The following PHKB variants were observed in gnomAD, a reference collection of about 807,000 sequenced individuals.
PHKB encodes the protein phosphorylase b kinase regulatory subunit beta.
Under a neutral mutation model 152.1 loss-of-function variants are expected in PHKB, and 122 were observed. That is an observed-to-expected ratio of 0.80 (90% CI 0.69 to 0.93). PHKB has a LOEUF of 0.93. PHKB is among the 40% of genes least tolerant of loss of function. PHKB has a pLI of 0.00. For missense variants in PHKB, 1,304 were observed against 1,328.4 expected, an observed-to-expected ratio of 0.98 and a Z score of 0.29; for synonymous variants, 436 against 464.9, an observed-to-expected ratio of 0.94 and a Z score of 0.80.
intron 6 of PHKB, 133 bp from the exon 7 acceptor site, chr16:47,547,300 T>G (rs1277825501): frequency 1.5e-6 from 1 of 666,290 alleles, no homozygotes; most frequent in Non-Finnish European, 2.7e-6. Flanking sequence ...GTCATGCTGG[T>G]CTCAAACTCC....
chr16:47,595,798 T>G (rs1972107851), intron 12 of PHKB, among the ~76,000 whole-genome samples: 1 of 152,160 alleles, frequency 6.6e-6, no homozygotes, highest in Non-Finnish European at 1.5e-5. Flanking sequence ...AGCATAACAA[T>G]CTGCTGTTGA....
chr16:47,492,826 C>T (rs1970172579), intron 1 of PHKB, among the ~76,000 whole-genome samples: 1 of 152,218 alleles, frequency 6.6e-6, no homozygotes, highest in African/African-American at 2.4e-5. Flanking sequence ...GCATCTCACT[C>T]ACCCTTTCTT....
At chr16:47,533,517 T>G (rs1190536921) in intron 6 of PHKB, among the ~76,000 whole-genome samples, 1 of 152,150 alleles carries the variant, frequency 6.6e-6, no homozygotes, top group African/African-American at 2.4e-5. Flanking sequence ...TTGGCTTCCC[T>G]TAGGTGTTCA....
At chr16:47,461,899 C>G (rs1969568608) in intron 1 of PHKB, among the ~76,000 whole-genome samples, 1 of 152,188 alleles carries the variant, frequency 6.6e-6, no homozygotes, top group South Asian at 2.1e-4. Flanking sequence ...CTTTTACATT[C>G]CCCACAGGTT....
At chr16:47,541,701 A>G (rs1971062211) in intron 6 of PHKB, among the ~76,000 whole-genome samples, 1 of 152,190 alleles carries the variant, frequency 6.6e-6, no homozygotes, top group Non-Finnish European at 1.5e-5. Flanking sequence ...AACTGGTGTG[A>G]GGTGATATCT....
In PHKB at chr16:47,646,870, A is replaced by G. The variant is rs1567340057; in HGVS notation, c.1609-1663A>G. On this transcript the variant is annotated intron_variant, in intron 16 of 30. Coordinates refer to ENST00000323584, the MANE Select transcript of PHKB (RefSeq NM_000293.3). ...ACTGTCCAAAGATGTTTATTGAATT[A>G]TTTTTAAAATAACAAAAAATTGGGA... Among the ~76,000 whole-genome samples the G allele has an allele frequency of 3.3e-5, 5 of 152,056 alleles. No individual in the cohort carries two copies. In the South Asian group the frequency reaches 1.0e-3, roughly 32 times the overall value.
chr16:47,674,858 C>T (rs1333005540), intron 26 of PHKB, among the ~76,000 whole-genome samples: 3 of 152,174 alleles, frequency 2.0e-5, no homozygotes, highest in Non-Finnish European at 4.4e-5. Flanking sequence ...AACTCCTCTA[C>T]GGAAAATCTT....
chr16:47,689,147 G>C lies in PHKB; in HGVS notation c.2737G>C (p.Asp913His). Residue 913 changes from aspartate (D) to histidine (H), a missense_variant, in exon 27 of 31, where the codon GAT (aspartate) becomes CAT (histidine). By Grantham distance (81) the Asp-to-His change is moderately conservative (BLOSUM62 -1). Coordinates refer to ENST00000323584, the MANE Select transcript of PHKB (RefSeq NM_000293.3). ...TAGTGAAGTTAAACAGCTTCTGCTG[G>C]ATATTCTGCAGCCTCAACAGAATGG... ...SPSEVKQLLLDILQPQQNGRC... is the reference protein window; with the variant it reads ...SPSEVKQLLLHILQPQQNGRC... 6.2e-7 allele frequency: 1 copy of C among 1,613,922 alleles called. No homozygotes were observed. The highest frequency in any genetic ancestry group is 8.5e-7 in the Non-Finnish European group (1 of 1,179,914).
intron 1 of PHKB, among the ~76,000 whole-genome samples, chr16:47,496,546 A>T (rs902887038): frequency 6.6e-6 from 1 of 152,176 alleles, no homozygotes; most frequent in East Asian, 1.9e-4. Flanking sequence ...GCTATATGGT[A>T]TACATTACCT....
At position 47,669,411 on chromosome 16, in the gene PHKB, G is replaced by C; in HGVS notation, c.2624G>C (p.Arg875Pro). 3 of 1,613,856 alleles carry C rather than the reference G, an allele frequency of 1.9e-6. No individual in the cohort carries two copies. Among genetic ancestry groups the C allele is most frequent in the Non-Finnish European group, 2.5e-6 (3 of 1,179,782 alleles). The change falls in exon 26 of 31, where the codon CGA becomes CCA. Residue 875 changes from arginine to proline, a missense_variant. Arg to Pro is a moderately radical substitution (Grantham distance 103, BLOSUM62 -2). Coordinates refer to ENST00000323584, the MANE Select transcript of PHKB (RefSeq NM_000293.3). ...TTATTCAGTGGCATGCTGAAAATAC[G>C]AATCGGGTGAGTGAAGTCCTTTGCA... ...PELFSGMLKI[R>P]IGWIIHAMEY...
At position 47,641,093 on chromosome 16, in the gene PHKB, A is replaced by G. The variant is rs1409872571; in HGVS notation, c.1514+3A>G. On this transcript the variant is annotated splice_donor_region_variant and intron_variant, in intron 15 of 30. Transcript: ENST00000323584. ...GCACTTATAGCAGAAAGCCAAAGGT[A>G]TGAAATCCAAGTGGGTGGTGTGTTT... 1.9e-6 allele frequency: 3 copies of G among 1,612,374 alleles called. No homozygotes were observed. Among genetic ancestry groups the G allele is most frequent in the Non-Finnish European group, 1.7e-6 (2 of 1,178,526 alleles).
intron 26 of PHKB, among the ~76,000 whole-genome samples, chr16:47,684,349 G>T (rs895245102): frequency 6.6e-6 from 1 of 152,034 alleles, no homozygotes; most frequent in African/African-American, 2.4e-5. Context: ...AAAATTTCAG[G>T]TGTTCTGGTT....
At chr16:47,684,393 T>C (rs1325823819) in intron 26 of PHKB, among the ~76,000 whole-genome samples, 1 of 152,184 alleles carries the variant, frequency 6.6e-6, no homozygotes, top group Non-Finnish European at 1.5e-5. Context: ...GTACTTTATT[T>C]CATATTGTAC....
At chr16:47,471,479 C>T (rs1334362782) in intron 1 of PHKB, among the ~76,000 whole-genome samples, 1 of 152,154 alleles carries the variant, frequency 6.6e-6, no homozygotes, top group Non-Finnish European at 1.5e-5. Context: ...GGGGAGCAAC[C>T]TCATGGCCGA....
At chr16:47,678,321 T>G (rs1973775699) in intron 26 of PHKB, among the ~76,000 whole-genome samples, 2 of 152,162 alleles carry the variant, frequency 1.3e-5, no homozygotes, top group African/African-American at 4.8e-5. Context: ...TATTTCTAGT[T>G]CTAGATCCCT....
At position 47,593,534 on chromosome 16, in the gene PHKB, T is replaced by A. The variant is rs1972067319; in HGVS notation, c.1103T>A (p.Phe368Tyr). The change falls in exon 11 of 31, where the codon TTT becomes TAT. Residue 368 changes from phenylalanine to tyrosine, a missense_variant. By Grantham distance (22) the Phe-to-Tyr change is conservative. Coordinates refer to ENST00000323584, the MANE Select transcript of PHKB (RefSeq NM_000293.3). Reference sequence around the variant, plus strand: ...GGCATTGAATGTGAATTTCCCATATTTTTCCTTTATATGATGATTGATGGT... The same window carrying A: ...GGCATTGAATGTGAATTTCCCATATATTTCCTTTATATGATGATTGATGGT... Reference protein sequence around the residue: ...FDGIECEFPIFFLYMMIDGVF... With the variant: ...FDGIECEFPIYFLYMMIDGVF... 5 of 1,503,054 alleles carry A rather than the reference T, an allele frequency of 3.3e-6. No homozygotes were observed. The highest frequency in any genetic ancestry group is 4.6e-6 in the Non-Finnish European group (5 of 1,079,280). The allele number at this position is 1,503,054 out of a possible 1,614,324, so 93.1% of individuals were successfully genotyped here.
intron 27 of PHKB, among the ~76,000 whole-genome samples, chr16:47,691,305 T>C (rs1420811926): frequency 1.3e-5 from 2 of 152,202 alleles, no homozygotes; most frequent in Non-Finnish European, 2.9e-5. Context: ...AAAACAAGAA[T>C]ATTAGTGGTA....
intron 26 of PHKB, among the ~76,000 whole-genome samples, chr16:47,678,945 G>C (rs1039485978): frequency 2.0e-5 from 3 of 152,140 alleles, no homozygotes; most frequent in African/African-American, 7.2e-5. Context: ...ATTGATTTTT[G>C]TATAAGGTGT....
chr16:47,596,545 A>T lies in PHKB; in HGVS notation c.1363+14A>T, dbSNP rs749439558. On this transcript the variant is annotated intron_variant, in intron 13 of 30. Coordinates refer to ENST00000323584, the MANE Select transcript of PHKB (RefSeq NM_000293.3). ...CAAAACTCCTGGGTAAGTGGAGAAG[A>T]TTGGGAATGGTATTTTTTTCCTTGT... The T allele has an allele frequency of 6.2e-7, 1 of 1,610,612 alleles. No homozygotes were observed. Among genetic ancestry groups the T allele is most frequent in the Non-Finnish European group, 8.5e-7 (1 of 1,177,214 alleles).
Sources: allele counts gnomAD v4.1 joint callset (sites outside exome capture counted in the v4.1 genomes callset), GRCh38; gene constraint gnomAD v4.1.1; transcripts MANE v1.5; gene names NCBI Gene and HGNC (gene_info 2026-07-23, HGNC 2026-07-21).